Variants in LSAMP observed in about 807,000 individuals in gnomAD.
The protein encoded by LSAMP is limbic system associated membrane protein.
Under a neutral mutation model 38.6 loss-of-function variants are expected in LSAMP, and 7 were observed. That is an observed-to-expected ratio of 0.18 (90% confidence interval 0.10 to 0.34). The LOEUF is 0.34. LSAMP is among the 10% of genes least tolerant of loss of function. The pLI is 1.00. For missense variants in LSAMP, 313 were observed against 420.0 expected (o/e 0.75, Z 2.23); for synonymous variants, 154 against 166.8 (o/e 0.92, Z 0.59).
chr3:116,335,456 T>G (rs1442211651), intron 1 of LSAMP, among the ~76,000 whole-genome samples: 1 of 152,056 alleles, frequency 6.6e-6, no homozygotes, highest in Non-Finnish European at 1.5e-5. Context: ...CCTTCCGGGT[T>G]TCAAATATTA....
chr3:116,438,268 T>C (rs1025139442), intron 1 of LSAMP, among the ~76,000 whole-genome samples: 1 of 152,196 alleles, frequency 6.6e-6, no homozygotes, highest in African/African-American at 2.4e-5. Flanking sequence ...GCTGTAAATA[T>C]ATGACTATAG....
chr3:116,376,589 C>T (rs1414689553), intron 1 of LSAMP, among the ~76,000 whole-genome samples: 1 of 151,968 alleles, frequency 6.6e-6, no homozygotes, highest in Non-Finnish European at 1.5e-5. Context: ...TGTCTGTAAG[C>T]ATTTTTTTCT....
At chr3:116,397,653 G>A (rs577973886) in intron 1 of LSAMP, among the ~76,000 whole-genome samples, 1 of 152,238 alleles carries the variant, frequency 6.6e-6, no homozygotes, top group South Asian at 2.1e-4. Context: ...ATGCACAAAT[G>A]AAGAAATGAA....
At chr3:115,863,293 C>G (rs889425678) in intron 3 of LSAMP, among the ~76,000 whole-genome samples, 1 of 152,064 alleles carries the variant, frequency 6.6e-6, no homozygotes, top group Admixed American at 6.6e-5. Flanking sequence ...GAGGGGTGGA[C>G]CTCAGAGGGA....
chr3:116,387,768 A>G (rs1559850074), intron 1 of LSAMP, among the ~76,000 whole-genome samples: 1 of 152,150 alleles, frequency 6.6e-6, no homozygotes, highest in Non-Finnish European at 1.5e-5. Context: ...AGTTGTAGAT[A>G]CAGAAATAGC....
At chr3:115,863,955 T>A (rs1209441424) in intron 3 of LSAMP, among the ~76,000 whole-genome samples, 1 of 152,108 alleles carries the variant, frequency 6.6e-6, no homozygotes, top group African/African-American at 2.4e-5. Flanking sequence ...ATAAGCAAGT[T>A]GATATTATAT....
intron 2 of LSAMP, among the ~76,000 whole-genome samples, chr3:116,066,565 CT>C (rs1196339815): frequency 6.6e-6 from 1 of 152,060 alleles, no homozygotes; most frequent in African/African-American, 2.4e-5. Flanking sequence ...ACCTGGTTAC[CT>C]TTTTTTCTGA....
chr3:116,290,824 A>C (rs2047257587), intron 1 of LSAMP, among the ~76,000 whole-genome samples: 1 of 151,618 alleles, frequency 6.6e-6, no homozygotes, highest in African/African-American at 2.4e-5. Flanking sequence ...TCCTTGATAT[A>C]ATCAATCAGC....
Position 116,164,710 on chromosome 3 carries a change from AAT to A in LSAMP, c.156-78156_156-78155del, listed in dbSNP as rs1257673527. 6.3e-5 allele frequency among the ~76,000 whole-genome samples: 7 copies of A among 111,256 alleles called. 1 individual carries two copies. Among genetic ancestry groups the A allele is most frequent in the Admixed American group, 3.0e-4 (3 of 9,882 alleles). 73.0% of individuals were successfully genotyped at this position (111,256 alleles called of 152,430 possible). On this transcript the variant is annotated intron_variant, in intron 1 of 6. Coordinates refer to ENST00000490035, the MANE Select transcript of LSAMP (RefSeq NM_002338.5). ...TCCAAATATATATATATATAATCCA[AAT>A]ATATATATATAATCCAAATATATAT...
intron 3 of LSAMP, among the ~76,000 whole-genome samples, chr3:115,855,698 T>A (rs1935486004): frequency 6.6e-6 from 1 of 152,190 alleles, no homozygotes; most frequent in Admixed American, 6.5e-5. Flanking sequence ...TTTGCCCCGG[T>A]GTGTCCGTCC....
At chr3:116,073,674 C>A (rs2107387888) in intron 2 of LSAMP, among the ~76,000 whole-genome samples, 1 of 152,246 alleles carries the variant, frequency 6.6e-6, no homozygotes, top group Middle Eastern at 3.4e-3. Flanking sequence ...AATTTTGTAT[C>A]CTGAGACTTT....
intron 1 of LSAMP, among the ~76,000 whole-genome samples, chr3:116,094,521 C>T (rs185206953): frequency 6.6e-5 from 10 of 152,328 alleles, no homozygotes; most frequent in Non-Finnish European, 1.3e-4. Flanking sequence ...CAGATTATCT[C>T]CCCTCACCCT....
intron 3 of LSAMP, among the ~76,000 whole-genome samples, chr3:115,858,989 A>G (rs990226617): frequency 6.6e-6 from 1 of 152,220 alleles, no homozygotes; most frequent in Non-Finnish European, 1.5e-5. Flanking sequence ...TTTCCTGCAC[A>G]TCACGTTCTA....
intron 1 of LSAMP, among the ~76,000 whole-genome samples, chr3:116,429,655 A>G (rs2049253321): frequency 6.6e-6 from 1 of 152,196 alleles, no homozygotes. Context: ...GGGAATCAGT[A>G]GAGAGAAGGA....
chr3:116,272,091 A>G (rs1430542440), intron 1 of LSAMP, among the ~76,000 whole-genome samples: 1 of 151,952 alleles, frequency 6.6e-6, no homozygotes, highest in African/African-American at 2.4e-5. Flanking sequence ...TGTCTTTGGA[A>G]GCATTGATCC....
At chr3:115,890,537 T>G (rs1354990910) in intron 3 of LSAMP, among the ~76,000 whole-genome samples, 1 of 151,958 alleles carries the variant, frequency 6.6e-6, no homozygotes, top group East Asian at 1.9e-4. Flanking sequence ...CCGGTTGAAG[T>G]TGAATCTGAA....
chr3:116,036,813 G>T (rs1941057779), intron 2 of LSAMP, among the ~76,000 whole-genome samples: 1 of 152,122 alleles, frequency 6.6e-6, no homozygotes, highest in South Asian at 2.1e-4. Context: ...TCTAGAAATT[G>T]CTTGAGGAAA....
At chr3:116,352,165 G>A (rs897054890) in intron 1 of LSAMP, among the ~76,000 whole-genome samples, 3 of 151,988 alleles carry the variant, frequency 2.0e-5, no homozygotes, top group Non-Finnish European at 2.9e-5. Flanking sequence ...CTTCTCTGAC[G>A]TTTCCACCAC....
chr3:116,392,270 A>AC (rs1165771580), intron 1 of LSAMP, among the ~76,000 whole-genome samples: 1 of 152,142 alleles, frequency 6.6e-6, no homozygotes, highest in Non-Finnish European at 1.5e-5. Flanking sequence ...CTGCAGACTC[A>AC]GGCATCTCTG....
Sources: gnomAD v4.1 joint callset for allele counts (sites outside exome capture counted in the v4.1 genomes callset) on GRCh38, gnomAD v4.1.1 for gene constraint, MANE v1.5 for transcripts, NCBI Gene and HGNC (gene_info 2026-07-23, HGNC 2026-07-21) for gene names.